Variants in TUBB8 observed in about 807,000 individuals in gnomAD.
TUBB8 encodes tubulin beta-8 chain.
TUBB8 carries 25 observed loss-of-function variants against 33.7 expected under a neutral mutation model. That is an observed-to-expected ratio of 0.74 (90% CI 0.54 to 1.04). The LOEUF is 1.04. Among genes scored for constraint, TUBB8 ranks in the 50% least tolerant of loss-of-function variants. The probability of loss-of-function intolerance (pLI) is 0.00; values close to 1 mark genes in which losing one functional copy is unlikely to be tolerated. For synonymous variants in TUBB8, 245 were observed against 240.1 expected (o/e 1.02, Z -0.19); for missense variants, 279 against 608.0 (o/e 0.46, Z 5.69).
intron 1 of TUBB8, among the ~76,000 whole-genome samples, chr10:65,704 G>A (rs1455121943): frequency 4.6e-5 from 7 of 152,338 alleles, no homozygotes; most frequent in East Asian, 3.9e-4. Flanking sequence ...CAGCATGGGC[G>A]ACAAGAGTGA....
intron 1 of TUBB8, among the ~76,000 whole-genome samples, chr10:72,140 G>A (rs1213201355): frequency 1.3e-5 from 2 of 151,474 alleles, no homozygotes; most frequent in African/African-American, 4.9e-5. Flanking sequence ...TAGGAGAATT[G>A]CTTGAACCCA....
At chr10:72,513 G>A (rs182110390) in intron 1 of TUBB8, among the ~76,000 whole-genome samples, 164 of 152,006 alleles carry the variant, frequency 1.1e-3, no homozygotes, top group African/African-American at 3.7e-3. Context: ...AGCTGAGATC[G>A]CGCCACTGCA....
upstream of TUBB8, among the ~76,000 whole-genome samples, chr10:50,458 G>A (rs1554739399): frequency 6.6e-6 from 1 of 152,148 alleles, no homozygotes; most frequent in Non-Finnish European, 1.5e-5. Context: ...ACGCCCACAA[G>A]CTTCATTGGC....
intron 1 of TUBB8, among the ~76,000 whole-genome samples, chr10:70,877 T>C (rs1334072271): frequency 2.0e-5 from 3 of 152,012 alleles, no homozygotes; most frequent in East Asian, 1.9e-4. Context: ...AGAAACATAT[T>C]GAATCAAACT....
chr10:68,919 C>T (rs1317325100), intron 1 of TUBB8, among the ~76,000 whole-genome samples: 3 of 152,204 alleles, frequency 2.0e-5, no homozygotes, highest in Non-Finnish European at 4.4e-5. Flanking sequence ...CTCAGTTTCA[C>T]AACGTTGGCA....
intron 1 of TUBB8, among the ~76,000 whole-genome samples, chr10:59,120 G>A (rs367749601): frequency 1.3e-5 from 2 of 152,116 alleles, no homozygotes; most frequent in Non-Finnish European, 2.9e-5. Flanking sequence ...GTTTTCAAAG[G>A]GTTTATTATT....
chr10:49,736 C>T (rs1431121626), upstream of TUBB8: 2 of 373,354 alleles, frequency 5.4e-6, no homozygotes, highest in Non-Finnish European at 1.1e-5. Flanking sequence ...TACTTTGGAG[C>T]AGTTCTAACC....
chr10:50,583 C>T (rs1470160197), upstream of TUBB8, among the ~76,000 whole-genome samples: 2 of 152,288 alleles, frequency 1.3e-5, no homozygotes, highest in African/African-American at 4.8e-5. Context: ...GGCAGCAAAG[C>T]AGCACTCTAA....
upstream of TUBB8, chr10:49,297 G>A (rs186208482): frequency 4.6e-6 from 7 of 1,525,020 alleles, no homozygotes; most frequent in East Asian, 7.3e-5. Context: ...GACGCGCAGC[G>A]ACCCAGCCCG....
At chr10:69,201 CCA>C (rs1227573056) in intron 1 of TUBB8, among the ~76,000 whole-genome samples, 58 of 152,358 alleles carry the variant, frequency 3.8e-4, no homozygotes, top group Admixed American at 1.2e-3. Context: ...ACCATGACCT[CCA>C]CACACTGTGT....
intron 1 of TUBB8, among the ~76,000 whole-genome samples, chr10:73,336 T>C (rs1834762231): frequency 6.6e-6 from 1 of 152,222 alleles, no homozygotes; most frequent in Non-Finnish European, 1.5e-5. Flanking sequence ...TGTTAACAAA[T>C]GAGTCTGAAA....
chr10:47,134 A>G lies in TUBB8; in HGVS notation c.1258T>C (p.Ser420Pro). ...EAESNMNDLV[S>P]EYQQYQDATA... ...GCATCCTGATATTGCTGATATTCAG[A>G]CACCAGGTCGTTCATGTTGCTCTCG... The change falls in exon 4 of 4, where the codon TCT (serine) becomes CCT (proline). Residue 420 changes from serine (S) to proline (P), a missense_variant. Around this residue, in one of 4 missense-constraint regions of TUBB8, gnomAD observed 123 missense variants for 228.9 expected, o/e 0.54. Transcript: ENST00000568584. 1.3e-6 allele frequency: 2 copies of G among 1,551,836 alleles called. No individual in the cohort carries two copies. The highest frequency in any genetic ancestry group is 1.8e-6 in the Non-Finnish European group (2 of 1,127,686).
chr10:61,627 T>C (rs1554740865), intron 1 of TUBB8, among the ~76,000 whole-genome samples: 1 of 152,232 alleles, frequency 6.6e-6, no homozygotes, highest in Non-Finnish European at 1.5e-5. Flanking sequence ...TGTTATACAG[T>C]GCAGATTAAG....
At chr10:49,034 C>T in intron 1 of TUBB8, 122 bp from the exon 2 acceptor site, 1 of 1,258,910 alleles carries the variant, frequency 7.9e-7, no homozygotes, top group Non-Finnish European at 1.1e-6. Context: ...TGGGGTCCAC[C>T]CCGGCCGCCT....
chr10:74,866 ATT>A (rs573408150), upstream of TUBB8, among the ~76,000 whole-genome samples: 29 of 115,818 alleles, frequency 2.5e-4, no homozygotes, highest in African/African-American at 9.4e-4. Flanking sequence ...GTCTGTGCCA[ATT>A]TTTTTTTTTT....
In TUBB8 at chr10:48,827, T is replaced by A; in HGVS notation, c.143A>T (p.Asn48Ile). 6.2e-7 allele frequency: 1 copy of A among 1,608,770 alleles called. No homozygotes were observed. Among genetic ancestry groups the A allele is most frequent in the Non-Finnish European group, 8.5e-7 (1 of 1,178,186 alleles). Reference protein sequence around the residue: ...GDSHLQLERINVYYNEASGGR... With the variant: ...GDSHLQLERIIVYYNEASGGR... ...ACCGCTGGCCTCGTTGTAGTACACG[T>A]TGATGCGCTCCAGCTGCAGGTGGCT... Residue 48 changes from asparagine to isoleucine, a missense_variant, in exon 2 of 4, where the codon AAC becomes ATC. Around this residue, in one of 4 missense-constraint regions of TUBB8, gnomAD observed 56 missense variants for 77.9 expected, o/e 0.72. Transcript: ENST00000568584.
chr10:57,721 T>C (rs1330837714), intron 1 of TUBB8, among the ~76,000 whole-genome samples: 1 of 152,222 alleles, frequency 6.6e-6, no homozygotes, highest in African/African-American at 2.4e-5. Context: ...TTCTCTTCTT[T>C]TAGGCCTCAG....
At chr10:53,096 A>G (rs1834488921), upstream of TUBB8, among the ~76,000 whole-genome samples, 1 of 152,166 alleles carries the variant, frequency 6.6e-6, no homozygotes, top group African/African-American at 2.4e-5. Context: ...TATGCAAAAG[A>G]AATTTTGTTT....
At chr10:61,993 AAAGTAT>A (rs1554740922) in intron 1 of TUBB8, among the ~76,000 whole-genome samples, 1 of 75,570 alleles carries the variant, frequency 1.3e-5, no homozygotes, top group Admixed American at 1.2e-4. Flanking sequence ...CTTTATAGGT[AAAGTAT>A]TTTTTTTTTG....
Sources: allele counts gnomAD v4.1 joint callset (sites outside exome capture counted in the v4.1 genomes callset), GRCh38; gene constraint gnomAD v4.1.1; regional missense constraint gnomAD v4.1.1; transcripts MANE v1.5; gene names NCBI Gene and HGNC (gene_info 2026-07-23, HGNC 2026-07-21).